TBC1D1: variants seen among roughly 807,000 people sequenced by gnomAD.
TBC1D1 encodes TBC1 (tre-2/USP6, BUB2, cdc16) domain family, member 1.
TBC1D1 carries 89 observed loss-of-function variants against 125.6 expected under a neutral mutation model. The observed-to-expected ratio is 0.71, with a 90% confidence interval of 0.60 to 0.85. The LOEUF (loss-of-function observed/expected upper bound fraction) is 0.85. Among genes scored for constraint, TBC1D1 ranks in the 40% least tolerant of loss-of-function variants. The pLI, the probability that TBC1D1 is intolerant of heterozygous loss-of-function variation, is 0.00. For synonymous variants in TBC1D1, 565 were observed against 564.1 expected, an observed-to-expected ratio of 1.00 and a Z score of -0.02; for missense variants, 1,377 against 1,469.2, an observed-to-expected ratio of 0.94 and a Z score of 1.03.
chr4:38,132,818 T>C (rs201233812), intron 18 of TBC1D1: 1 of 227,692 alleles, frequency 4.4e-6, no homozygotes, highest in Non-Finnish European at 9.1e-6. Flanking sequence ...TTTTTTTTTT[T>C]GGCTTTTGGA....
intron 15 of TBC1D1, chr4:38,110,364 C>G: frequency 1.0e-6 from 1 of 984,768 alleles, no homozygotes; most frequent in Non-Finnish European, 1.2e-6. Flanking sequence ...GTTTAACAAG[C>G]CCCCAGATGA....
At chr4:38,055,351 A>G (rs1751517061) in intron 12 of TBC1D1, among the ~76,000 whole-genome samples, 1 of 152,192 alleles carries the variant, frequency 6.6e-6, no homozygotes, top group Non-Finnish European at 1.5e-5. Context: ...GTGAACTAGA[A>G]TAAACTGTCT....
At chr4:38,068,888 C>T (rs537047611) in intron 12 of TBC1D1, among the ~76,000 whole-genome samples, 3 of 152,304 alleles carry the variant, frequency 2.0e-5, no homozygotes, top group South Asian at 2.1e-4. Flanking sequence ...CCCCCAGCTC[C>T]GTCACTCAGA....
At chr4:38,034,373 G>A (rs1212570225) in intron 7 of TBC1D1, among the ~76,000 whole-genome samples, 1 of 152,198 alleles carries the variant, frequency 6.6e-6, no homozygotes, top group Non-Finnish European at 1.5e-5. Context: ...ATTTCAGTCC[G>A]AAATTTGAAA....
chr4:38,112,687 GGC>G (rs1303938666), intron 15 of TBC1D1, among the ~76,000 whole-genome samples: 1 of 152,194 alleles, frequency 6.6e-6, no homozygotes, highest in African/African-American at 2.4e-5. Flanking sequence ...TAGCATAAGG[GGC>G]GCTACATGTA....
chr4:37,891,090 T>TCCTCCTCCTCCTCCTCG lies in TBC1D1; in HGVS notation c.-352_-351insCCTCCTCCTCCTCCTCG. ...CTTCCTCCTCCTCCTCCTCCTCCTC[T>TCCTCCTCCTCCTCCTCG]TCGGCTGCTGCTCCTGGTGCCGCCA... On this transcript the variant is annotated 5_prime_UTR_variant, in exon 1 of 20. Transcript: ENST00000261439. The TCCTCCTCCTCCTCCTCG allele has an allele frequency of 2.0e-5, 1 of 49,022 alleles. No individual in the cohort carries two copies. The highest frequency in any genetic ancestry group is 4.8e-4 in the South Asian group (1 of 2,074). 3.0% of individuals were successfully genotyped at this position (49,022 alleles called of 1,614,324 possible).
chr4:38,128,119 A>G (rs538574137), intron 18 of TBC1D1, among the ~76,000 whole-genome samples: 3 of 152,304 alleles, frequency 2.0e-5, no homozygotes, highest in East Asian at 1.9e-4. Context: ...GTGAGAAGGT[A>G]CAGGAATGAG....
chr4:37,931,387 T>A (rs1407639379), intron 2 of TBC1D1, among the ~76,000 whole-genome samples: 1 of 151,832 alleles, frequency 6.6e-6, no homozygotes, highest in African/African-American at 2.4e-5. Flanking sequence ...GTGAGCCAAC[T>A]CACCTGGCTG....
intron 9 of TBC1D1, among the ~76,000 whole-genome samples, chr4:38,044,732 C>T (rs565231502): frequency 2.0e-5 from 3 of 151,944 alleles, no homozygotes; most frequent in South Asian, 2.1e-4. Flanking sequence ...TTTTGCCGCT[C>T]CAAAGAATAT....
At chr4:37,980,934 A>G (rs933815785) in intron 2 of TBC1D1, among the ~76,000 whole-genome samples, 4 of 151,760 alleles carry the variant, frequency 2.6e-5, no homozygotes, top group African/African-American at 9.7e-5. Context: ...TTAAAGATGC[A>G]TTAAAAAAGG....
intron 2 of TBC1D1, among the ~76,000 whole-genome samples, chr4:37,986,372 T>G (rs1258579567): frequency 6.6e-6 from 1 of 152,240 alleles, no homozygotes; most frequent in Non-Finnish European, 1.5e-5. Flanking sequence ...TGCACTTTCA[T>G]CTTCAAACTG....
intron 12 of TBC1D1, among the ~76,000 whole-genome samples, chr4:38,083,034 TC>T (rs1411964407): frequency 6.6e-6 from 1 of 152,108 alleles, no homozygotes; most frequent in Non-Finnish European, 1.5e-5. Context: ...ATCACACCCT[TC>T]CCCTCCGTAT....
intron 1 of TBC1D1, 123 bp from the exon 2 acceptor site, chr4:37,901,879 CT>C (rs1716097758): frequency 2.1e-6 from 1 of 470,342 alleles, no homozygotes; most frequent in South Asian, 3.8e-5. Flanking sequence ...GGCAGAGAAG[CT>C]TATTTGAACC....
chr4:37,997,408 G>A (rs764018357), intron 2 of TBC1D1, among the ~76,000 whole-genome samples: 10 of 152,142 alleles, frequency 6.6e-5, no homozygotes, highest in Non-Finnish European at 1.0e-4. Context: ...GCATTTGGGG[G>A]CACTTAGAAC....
chr4:37,895,094 G>C (rs1034977490), intron 1 of TBC1D1, among the ~76,000 whole-genome samples: 5 of 152,190 alleles, frequency 3.3e-5, no homozygotes, highest in Non-Finnish European at 7.3e-5. Context: ...GAGCCAAAGG[G>C]CCTGGGTTCA....
intron 8 of TBC1D1, among the ~76,000 whole-genome samples, chr4:38,040,115 G>T (rs370686229): frequency 2.0e-5 from 3 of 152,214 alleles, no homozygotes; most frequent in Admixed American, 6.5e-5. Flanking sequence ...GGCAATAGAC[G>T]TGGAAAAGAC....
At chr4:38,074,121 C>T (rs1317076627) in intron 12 of TBC1D1, among the ~76,000 whole-genome samples, 1 of 152,172 alleles carries the variant, frequency 6.6e-6, no homozygotes, top group East Asian at 1.9e-4. Flanking sequence ...CCTGAGATAG[C>T]AGCTTGATGC....
At chr4:37,945,286 G>T (rs536322421) in intron 2 of TBC1D1, among the ~76,000 whole-genome samples, 1 of 151,818 alleles carries the variant, frequency 6.6e-6, no homozygotes, top group Non-Finnish European at 1.5e-5. Flanking sequence ...GGCTGAGGCG[G>T]GCAGATCACC....
chr4:37,924,357 T>C (rs16994074), intron 2 of TBC1D1, among the ~76,000 whole-genome samples: 22,171 of 152,222 alleles, frequency 0.15, 1,705 homozygotes, highest in Middle Eastern at 0.16. Flanking sequence ...ACTAACCCAA[T>C]ACTTTTTTGT....
Sources: gnomAD v4.1 joint callset for allele counts (sites outside exome capture counted in the v4.1 genomes callset) on GRCh38, gnomAD v4.1.1 for gene constraint, MANE v1.5 for transcripts, NCBI Gene and HGNC (gene_info 2026-07-23, HGNC 2026-07-21) for gene names.